Variants in HDAC9 observed in about 807,000 individuals in gnomAD.
HDAC9 encodes the protein histone deacetylase 9.
HDAC9 carries 41 observed loss-of-function variants against 139.4 expected under a neutral mutation model. The observed-to-expected ratio is 0.29, with a 90% CI of 0.23 to 0.38. HDAC9 has a LOEUF of 0.38. Among genes scored for constraint, HDAC9 ranks in the 10% least tolerant of loss-of-function variants. HDAC9 has a pLI of 1.00. For missense variants in HDAC9, 1,147 were observed against 1,297.0 expected (o/e 0.88, Z 1.78); for synonymous variants, 517 against 476.2 (o/e 1.09, Z -1.12).
chr7:18,381,872 C>A (rs1785477815), intron 1 of HDAC9, among the ~76,000 whole-genome samples: 1 of 152,000 alleles, frequency 6.6e-6, no homozygotes, highest in African/African-American at 2.4e-5. Flanking sequence ...TGCTTGTTTC[C>A]TATTTTTCGC....
chr7:18,153,252 A>G (rs1231013203), intron 1 of HDAC9, among the ~76,000 whole-genome samples: 1 of 152,202 alleles, frequency 6.6e-6, no homozygotes, highest in African/African-American at 2.4e-5. Flanking sequence ...AGGAAAGAAT[A>G]AAGTGACAAC....
intron 1 of HDAC9, among the ~76,000 whole-genome samples, chr7:18,379,448 T>C (rs529304527): frequency 6.6e-6 from 1 of 152,328 alleles, no homozygotes; most frequent in South Asian, 2.1e-4. Flanking sequence ...ATACTAGTTT[T>C]TTCTTGAATC....
chr7:18,765,915 A>T (rs1789794429), intron 15 of HDAC9, among the ~76,000 whole-genome samples: 1 of 152,132 alleles, frequency 6.6e-6, no homozygotes, highest in African/African-American at 2.4e-5. Context: ...ATCTCTCTTT[A>T]TAACTAGATG....
chr7:18,488,121 T>G (rs1367850281), intron 1 of HDAC9, among the ~76,000 whole-genome samples: 1 of 152,050 alleles, frequency 6.6e-6, no homozygotes, highest in Non-Finnish European at 1.5e-5. Context: ...AATTTTTTTA[T>G]TTTCATAGTC....
intron 1 of HDAC9, among the ~76,000 whole-genome samples, chr7:18,141,925 G>C (rs1785926096): frequency 6.6e-6 from 1 of 152,156 alleles, no homozygotes; most frequent in Non-Finnish European, 1.5e-5. Flanking sequence ...CAATAAAGGA[G>C]GCAAATATTG....
chr7:18,751,425 T>G (rs1788437306), intron 14 of HDAC9, among the ~76,000 whole-genome samples: 1 of 152,142 alleles, frequency 6.6e-6, no homozygotes, highest in African/African-American at 2.4e-5. Context: ...CTAACATAGT[T>G]TGATGGCAGT....
intron 13 of HDAC9, among the ~76,000 whole-genome samples, chr7:18,747,603 T>C (rs1169253940): frequency 6.6e-6 from 1 of 152,180 alleles, no homozygotes; most frequent in Middle Eastern, 3.2e-3. Flanking sequence ...AGTGGAGATT[T>C]TGGATGGATC....
intron 2 of HDAC9, chr7:18,517,749 CCT>C (rs1803707139): frequency 6.6e-6 from 1 of 152,138 alleles, no homozygotes; most frequent in African/African-American, 2.4e-5. Context: ...CATTCTCACC[CCT>C]CTGTTTCTGC....
intron 2 of HDAC9, among the ~76,000 whole-genome samples, chr7:18,530,203 T>C (rs1808430550): frequency 6.6e-6 from 1 of 152,142 alleles, no homozygotes; most frequent in East Asian, 1.9e-4. Flanking sequence ...GTTGAGGCTG[T>C]AGTGAACCAT....
intron 1 of HDAC9, among the ~76,000 whole-genome samples, chr7:18,151,156 A>C (rs1786751739): frequency 6.6e-6 from 1 of 152,220 alleles, no homozygotes; most frequent in African/African-American, 2.4e-5. Flanking sequence ...ATTGCCTTCA[A>C]TTAAATGAAT....
intron 2 of HDAC9, among the ~76,000 whole-genome samples, chr7:18,249,605 A>G (rs929698535): frequency 4.6e-5 from 7 of 151,696 alleles, no homozygotes; most frequent in African/African-American, 1.5e-4. Context: ...CGTTCCTTCA[A>G]GTGAGCAAAT....
chr7:18,889,749 G>A (rs1800508158), intron 22 of HDAC9, among the ~76,000 whole-genome samples: 1 of 152,148 alleles, frequency 6.6e-6, no homozygotes, highest in African/African-American at 2.4e-5. Flanking sequence ...CCAGGCTGAA[G>A]TGCAGTGGTG....
At chr7:18,858,151 TC>T (rs1272088306) in intron 21 of HDAC9, among the ~76,000 whole-genome samples, 1 of 152,100 alleles carries the variant, frequency 6.6e-6, no homozygotes, top group Non-Finnish European at 1.5e-5. Context: ...ATGAAAATAA[TC>T]AGTGAGAAAG....
At chr7:18,736,004 T>C (rs1786856968) in intron 13 of HDAC9, among the ~76,000 whole-genome samples, 1 of 152,222 alleles carries the variant, frequency 6.6e-6, no homozygotes, top group Non-Finnish European at 1.5e-5. Flanking sequence ...TAATTGTGAA[T>C]GGGAGTTCAC....
At chr7:18,767,661 C>A (rs1789942243) in intron 16 of HDAC9, among the ~76,000 whole-genome samples, 1 of 152,072 alleles carries the variant, frequency 6.6e-6, no homozygotes, top group African/African-American at 2.4e-5. Context: ...ATTAAGGAAG[C>A]CTTTTGACTC....
At chr7:18,320,764 C>G (rs550354541) in intron 1 of HDAC9, among the ~76,000 whole-genome samples, 1 of 152,252 alleles carries the variant, frequency 6.6e-6, no homozygotes, top group African/African-American at 2.4e-5. Context: ...TGGACACCCC[C>G]CACCCCAGTT....
intron 22 of HDAC9, among the ~76,000 whole-genome samples, chr7:18,876,016 A>G (rs1181053533): frequency 6.6e-6 from 1 of 152,168 alleles, no homozygotes; most frequent in Admixed American, 6.5e-5. Flanking sequence ...TCTCCTTGCC[A>G]CAGGGAAAGG....
intron 12 of HDAC9, among the ~76,000 whole-genome samples, chr7:18,671,708 A>G (rs936555704): frequency 1.3e-5 from 2 of 151,900 alleles, no homozygotes; most frequent in Admixed American, 6.6e-5. Flanking sequence ...TCTTGTACCA[A>G]CTAAGCAGTC....
chr7:18,272,944 C>T (rs1443997670), intron 2 of HDAC9, among the ~76,000 whole-genome samples: 1 of 150,186 alleles, frequency 6.7e-6, no homozygotes, highest in Non-Finnish European at 1.5e-5. Flanking sequence ...ACTACTACTA[C>T]TACTACTACT....
Sources: allele counts gnomAD v4.1 joint callset (sites outside exome capture counted in the v4.1 genomes callset), GRCh38; gene constraint gnomAD v4.1.1; transcripts MANE v1.5; gene names NCBI Gene and HGNC (gene_info 2026-07-23, HGNC 2026-07-21).